Variants in EP300 observed in about 807,000 individuals in gnomAD.
The protein encoded by EP300 is histone acetyltransferase p300.
Under a neutral mutation model 264.0 loss-of-function variants are expected in EP300, and 31 were observed. The observed-to-expected ratio is 0.12, with a 90% confidence interval of 0.09 to 0.16. EP300 has a LOEUF of 0.16. Ranked by LOEUF, EP300 falls within the 10% of genes least tolerant of loss-of-function variation. The pLI, the probability that EP300 is intolerant of heterozygous loss-of-function variation, is 1.00. For synonymous variants in EP300, 1,340 were observed against 1,045.4 expected, an observed-to-expected ratio of 1.28 and a Z score of -5.44; for missense variants, 2,766 against 3,052.9, an observed-to-expected ratio of 0.91 and a Z score of 2.21.
intron 27 of EP300, among the ~76,000 whole-genome samples, chr22:41,171,015 A>G (rs2059167741): frequency 6.7e-6 from 1 of 148,400 alleles, no homozygotes; most frequent in Non-Finnish European, 1.5e-5. Flanking sequence ...CTTGCATGTA[A>G]TTCCTAAAAA....
At chr22:41,146,925 C>CCTG in intron 11 of EP300, 109 bp downstream of exon 11, 1 of 954,826 alleles carries the variant, frequency 1.0e-6, no homozygotes, top group Non-Finnish European at 1.6e-6. Context: ...GTCATGATTA[C>CCTG]CTGCCCATAG....
At position 41,092,855 on chromosome 22, in the gene EP300, G is replaced by A. The variant is rs1264068020; in HGVS notation, c.-150G>A. ...CATCCCTCTCCAGCCACTGCGACCC[G>A]GCGAAGAGAAAAAGGAACTTCCCCC... On this transcript the variant is annotated 5_prime_UTR_variant, in exon 1 of 31. Transcript: ENST00000263253. The A allele has an allele frequency of 2.4e-6, 2 of 844,928 alleles. No homozygotes were observed. Among genetic ancestry groups the A allele is most frequent in the Admixed American group, 1.9e-5 (1 of 53,658 alleles). The allele number at this position is 844,928 out of a possible 1,614,324, so 52.3% of individuals were successfully genotyped here. A position where few individuals can be genotyped will look rare whatever the true frequency, so the allele number is the denominator to read the frequency against.
chr22:41,093,560 G>T (rs752292246), intron 1 of EP300, among the ~76,000 whole-genome samples: 1 of 152,158 alleles, frequency 6.6e-6, no homozygotes, highest in African/African-American at 2.4e-5. Flanking sequence ...TTCTGTTGAG[G>T]AATAGGGTGT....
intron 20 of EP300, among the ~76,000 whole-genome samples, chr22:41,161,667 A>G (rs1267092563): frequency 6.6e-6 from 1 of 152,168 alleles, no homozygotes; most frequent in Non-Finnish European, 1.5e-5. Context: ...GTAGGCAGTC[A>G]TTAGAATTCA....
intron 1 of EP300, chr22:41,108,100 T>TA (rs2145684730): frequency 6.6e-6 from 1 of 152,224 alleles, no homozygotes; most frequent in Admixed American, 6.5e-5. Context: ...ACAGAATCAG[T>TA]ATGTGATAAT....
rs970463306 is a variant in EP300 at position 41,149,305 on chromosome 22, G to T, written c.2379+130G>T. 7.6e-6 allele frequency: 8 copies of T among 1,055,000 alleles called. No homozygotes were observed. The Admixed American group carries it at 1.0e-4, about 13-fold the overall frequency. 65.4% of individuals were successfully genotyped at this position (1,055,000 alleles called of 1,614,324 possible). On this transcript the variant is annotated intron_variant, in intron 13 of 30. Coordinates refer to ENST00000263253, the MANE Select transcript of EP300 (RefSeq NM_001429.4). ...TGATTTTTTAAAAAATAACAATTTT[G>T]GACTTAGGGTATTCTGAACATGAAG... is the stretch of plus-strand genomic sequence containing the variant.
intron 9 of EP300, 27 bp downstream of exon 9, chr22:41,140,284 T>C: frequency 7.0e-7 from 1 of 1,428,400 alleles, no homozygotes. Context: ...TTTCTATTAA[T>C]AGCCAAGATT....
intron 16 of EP300, among the ~76,000 whole-genome samples, chr22:41,153,999 CAAAG>C (rs1418539107): frequency 6.6e-6 from 1 of 152,108 alleles, no homozygotes; most frequent in South Asian, 2.1e-4. Context: ...ACTGGCTTCT[CAAAG>C]AACTGTTTGA....
rs777400518 is a variant in EP300, at chr22:41,140,190, G to A, written c.1811G>A (p.Arg604Gln). The A allele has an allele frequency of 1.9e-6, 3 of 1,613,978 alleles. No individual in the cohort carries two copies. The highest frequency in any genetic ancestry group is 1.3e-5 in the African/African-American group (1 of 74,912). The change falls in exon 9 of 31, where the codon CGG becomes CAG. Residue 604 changes from arginine (R) to glutamine (Q), a missense_variant. Coordinates refer to ENST00000263253, the MANE Select transcript of EP300 (RefSeq NM_001429.4). ...TPDPAALKDR[R>Q]MENLVAYARK... ...GATCCTGCTGCTTTAAAAGACAGAC[G>A]GATGGAAAACCTAGTTGCATATGCT...
intron 19 of EP300, 187 bp downstream of exon 19, chr22:41,158,687 C>T: frequency 5.1e-6 from 3 of 588,374 alleles, no homozygotes; most frequent in African/African-American, 1.8e-5. Context: ...TCAGAGTAGC[C>T]TTGCATCAGT....
At chr22:41,162,478 G>A (rs1430972877) in intron 20 of EP300, among the ~76,000 whole-genome samples, 1 of 152,104 alleles carries the variant, frequency 6.6e-6, no homozygotes, top group Non-Finnish European at 1.5e-5. Context: ...AGAAGAAACA[G>A]TATTTCTAGT....
chr22:41,093,172 T>A, intron 1 of EP300, 74 bp downstream of exon 1: 1 of 1,472,676 alleles, frequency 6.8e-7, no homozygotes, highest in Non-Finnish European at 9.4e-7. Context: ...TTCTTCCATT[T>A]TTTTTTTCTT....
chr22:41,169,563 T>C lies in EP300; in HGVS notation c.4233T>C (p.Thr1411=), dbSNP rs754967591. 6.5e-5 allele frequency: 104 copies of C among 1,610,446 alleles called. No individual in the cohort carries two copies. In the South Asian group the frequency reaches 1.1e-3, roughly 17 times the overall value. The part of the protein sequence containing the change: ...VHFFRPKCLR[T]AVYHEILIGY... ...TCTTCCGTCCTAAATGCTTGAGGAC[T>C]GCAGTCTATCATGAAATCCTAATTG... The change falls in exon 26 of 31, where the codon ACT becomes ACC. Residue 1411 remains threonine, a synonymous_variant. Transcript: ENST00000263253.
At chr22:41,157,848 A>G (rs2059086013) in intron 18 of EP300, among the ~76,000 whole-genome samples, 1 of 152,156 alleles carries the variant, frequency 6.6e-6, no homozygotes, top group East Asian at 1.9e-4. Flanking sequence ...ACTGTGTGCC[A>G]CAGTAGTAAT....
intron 1 of EP300, among the ~76,000 whole-genome samples, chr22:41,095,079 C>T (rs536009732): frequency 5.3e-5 from 8 of 152,132 alleles, no homozygotes; most frequent in African/African-American, 1.9e-4. Flanking sequence ...TGAGGGTTAA[C>T]TTTACCCCCC....
intron 2 of EP300, among the ~76,000 whole-genome samples, chr22:41,122,580 A>C (rs1481983120): frequency 6.6e-6 from 1 of 151,514 alleles, no homozygotes; most frequent in East Asian, 1.9e-4. Context: ...TACTTACCTT[A>C]GTCTCTGAAT....
At chr22:41,124,871 T>C (rs1159598916) in intron 2 of EP300, among the ~76,000 whole-genome samples, 2 of 152,190 alleles carry the variant, frequency 1.3e-5, no homozygotes, top group Non-Finnish European at 2.9e-5. Context: ...CCAAGGCCCC[T>C]AAATCTTAAT....
chr22:41,168,963 G>GT lies in EP300; in HGVS notation c.4172+99dup. On this transcript the variant is annotated intron_variant, in intron 25 of 30. Coordinates refer to ENST00000263253, the MANE Select transcript of EP300 (RefSeq NM_001429.4). ...TAACAGGCAAGAAAATGTTTAGTGT[G>GT]TTTGGTTTGGAAATGCAAAATCTCA... 4.5e-6 allele frequency: 7 copies of GT among 1,566,364 alleles called. No individual in the cohort carries two copies. The South Asian group carries it at 6.7e-5, about 15-fold the overall frequency.
chr22:41,125,514 C>T (rs1427541087), intron 2 of EP300, among the ~76,000 whole-genome samples: 1 of 152,014 alleles, frequency 6.6e-6, no homozygotes, highest in Non-Finnish European at 1.5e-5. Context: ...AACCCTCCTG[C>T]CTTGGCCTCG....
Sources: allele counts gnomAD v4.1 joint callset (sites outside exome capture counted in the v4.1 genomes callset), GRCh38; gene constraint gnomAD v4.1.1; transcripts MANE v1.5; gene names NCBI Gene and HGNC (gene_info 2026-07-23, HGNC 2026-07-21).